Variants in ELAVL4 observed in about 807,000 individuals in gnomAD.
ELAVL4 encodes ELAV-like protein 4.
In ELAVL4, 1 loss-of-function variant was observed where a neutral mutation model predicts 35.6. The observed-to-expected ratio is 0.03, with a 90% CI of 0.01 to 0.13. The LOEUF (loss-of-function observed/expected upper bound fraction) is 0.13. ELAVL4 is among the 10% of genes least tolerant of loss of function. The pLI is 1.00. For synonymous variants in ELAVL4, 156 were observed against 171.0 expected (o/e 0.91, Z 0.69); for missense variants, 267 against 464.9 (o/e 0.57, Z 3.91).
rs926021710 is a variant in ELAVL4 at position 50,116,407 on chromosome 1, TGTGTGC to T, written c.9+7215_9+7220del. Among the ~76,000 whole-genome samples, 60 of 117,702 alleles carry T rather than the reference TGTGTGC, an allele frequency of 5.1e-4. 1 individual carries two copies. The South Asian group carries it at 0.011, about 21-fold the overall frequency. The allele number at this position is 117,702 out of a possible 152,430, so 77.2% of individuals were successfully genotyped here. On this transcript the variant is annotated intron_variant, in intron 1 of 6. Coordinates refer to ENST00000371824, the MANE Select transcript of ELAVL4 (RefSeq NM_001144774.3). ...ATCTAAATACTGTGGTGTGTGTGTG[TGTGTGC>T]GTGTGTGTGTGTGTGTGTGTGTGTG...
At chr1:50,161,712 T>C (rs1676838759) in intron 2 of ELAVL4, among the ~76,000 whole-genome samples, 2 of 152,060 alleles carry the variant, frequency 1.3e-5, no homozygotes, top group African/African-American at 2.4e-5. Context: ...CTTTGAGAAA[T>C]AGTTGGTTGG....
intron 1 of ELAVL4, among the ~76,000 whole-genome samples, chr1:50,086,401 A>C (rs1175687865): frequency 6.6e-6 from 1 of 151,832 alleles, no homozygotes; most frequent in Non-Finnish European, 1.5e-5. Context: ...TGAAAAAAAT[A>C]GATTTCAAAA....
At position 50,200,902 on chromosome 1, in the gene ELAVL4, C is replaced by A. The variant is rs757474507; in HGVS notation, c.825C>A (p.Ile275=). 2.5e-6 allele frequency: 4 copies of A among 1,613,902 alleles called. No homozygotes were observed. Among genetic ancestry groups the A allele is most frequent in the Non-Finnish European group, 2.5e-6 (3 of 1,179,996 alleles). The part of the protein sequence containing the change: ...DGMTSLVGMN[I]PGHTGTGWCI... ...TGACAAGCCTTGTGGGAATGAACAT[C>A]CCTGGTCACACAGGAACTGGGTGGT... Residue 275 remains isoleucine (I), a synonymous_variant, in exon 7 of 7, where the codon ATC becomes ATA. Coordinates refer to ENST00000371824, the MANE Select transcript of ELAVL4 (RefSeq NM_001144774.3).
intron 1 of ELAVL4, chr1:50,048,226 G>A: frequency 6.7e-7 from 1 of 1,487,770 alleles, no homozygotes; most frequent in Non-Finnish European, 8.9e-7. Context: ...GACTCTGCCC[G>A]CCCTCTGTTA....
At chr1:50,120,068 T>C (rs989890007) in intron 1 of ELAVL4, among the ~76,000 whole-genome samples, 3 of 151,184 alleles carry the variant, frequency 2.0e-5, no homozygotes, top group Non-Finnish European at 1.5e-5. Context: ...CAAATATATA[T>C]ATATATATAT....
rs753662248 is a variant in ELAVL4 at position 50,195,791 on chromosome 1, G to T, written c.734+5G>T. 2 of 1,613,924 alleles carry T rather than the reference G, an allele frequency of 1.2e-6. No individual in the cohort carries two copies. The highest frequency in any genetic ancestry group is 2.7e-5 in the African/African-American group (2 of 74,922). ...CCACCAGGCTCAGAGGTTCAGGTAG[G>T]CATGCCCAAAGAGGAAGAAGCCCTG... On this transcript the variant is annotated splice_donor_5th_base_variant and intron_variant, in intron 5 of 6. Coordinates refer to ENST00000371824, the MANE Select transcript of ELAVL4 (RefSeq NM_001144774.3).
In ELAVL4 at chr1:50,177,237, A is replaced by C. The variant is rs1231819973; in HGVS notation, c.354+45A>C. ...CTCCTGATTCAGGAGGCTCTGGTTA[A>C]ATTTCATTCTGTTGATCTGGTAAAT... On this transcript the variant is annotated intron_variant, in intron 3 of 6. Coordinates refer to ENST00000371824, the MANE Select transcript of ELAVL4 (RefSeq NM_001144774.3). The C allele has an allele frequency of 2.1e-6, 3 of 1,454,978 alleles. No homozygotes were observed. In the South Asian group the frequency reaches 3.4e-5, roughly 17 times the overall value. 90.1% of individuals were successfully genotyped at this position (1,454,978 alleles called of 1,614,324 possible).
At chr1:50,111,405 T>G (rs922348103) in intron 1 of ELAVL4, among the ~76,000 whole-genome samples, 1 of 152,256 alleles carries the variant, frequency 6.6e-6, no homozygotes, top group Middle Eastern at 3.4e-3. Context: ...AATGATTTCT[T>G]AGAAATTTCC....
chr1:50,092,666 C>T (rs1198029689), intron 1 of ELAVL4, among the ~76,000 whole-genome samples: 2 of 152,128 alleles, frequency 1.3e-5, no homozygotes, highest in Non-Finnish European at 2.9e-5. Context: ...ACACTAATAA[C>T]AGTACATTGT....
intron 1 of ELAVL4, among the ~76,000 whole-genome samples, chr1:50,137,817 G>A (rs1174678425): frequency 6.6e-6 from 1 of 152,134 alleles, no homozygotes; most frequent in East Asian, 1.9e-4. Context: ...AGCTTTTCTT[G>A]TCTAACTCTT....
At chr1:50,098,956 GA>G (rs1017395785), upstream of ELAVL4, among the ~76,000 whole-genome samples, 1 of 152,218 alleles carries the variant, frequency 6.6e-6, no homozygotes, top group Non-Finnish European at 1.5e-5. Context: ...ACCACTGAAA[GA>G]AAAGCAGCCG....
chr1:50,131,172 C>A (rs34676319), intron 1 of ELAVL4, among the ~76,000 whole-genome samples: 11,225 of 152,018 alleles, frequency 0.074, 854 homozygotes, highest in East Asian at 0.42. Flanking sequence ...GTATCATATA[C>A]TAAATATTCT....
chr1:50,183,445 G>A (rs1472716201), intron 3 of ELAVL4, among the ~76,000 whole-genome samples: 1 of 152,102 alleles, frequency 6.6e-6, no homozygotes. Flanking sequence ...CAATTCTGGA[G>A]GGAGCAGGAG....
intron 3 of ELAVL4, among the ~76,000 whole-genome samples, chr1:50,178,038 C>T (rs1225771279): frequency 1.3e-5 from 2 of 152,138 alleles, no homozygotes; most frequent in South Asian, 2.1e-4. Context: ...GGGGGATTCC[C>T]TTGGGCAGCC....
intron 1 of ELAVL4, among the ~76,000 whole-genome samples, chr1:50,112,552 A>G (rs1469808360): frequency 6.6e-6 from 1 of 152,188 alleles, no homozygotes; most frequent in Non-Finnish European, 1.5e-5. Context: ...AGTTTTAATG[A>G]TCAGAATGTC....
chr1:50,200,248 T>C (rs1213705529), intron 6 of ELAVL4, among the ~76,000 whole-genome samples: 2 of 151,714 alleles, frequency 1.3e-5, no homozygotes, highest in African/African-American at 4.8e-5. Context: ...CAACCGTAGG[T>C]CAAGGGAGTG....
At chr1:50,182,596 A>G (rs1681219009) in intron 3 of ELAVL4, among the ~76,000 whole-genome samples, 1 of 152,194 alleles carries the variant, frequency 6.6e-6, no homozygotes, top group Non-Finnish European at 1.5e-5. Context: ...AGATCTGATC[A>G]AAGTAAAGTT....
At chr1:50,132,283 GA>G (rs1670992782) in intron 1 of ELAVL4, among the ~76,000 whole-genome samples, 1 of 152,180 alleles carries the variant, frequency 6.6e-6, no homozygotes. Context: ...AGAGATCAGG[GA>G]AATTTTGTCA....
chr1:50,192,828 G>T (rs937379464), intron 3 of ELAVL4, among the ~76,000 whole-genome samples: 7 of 152,126 alleles, frequency 4.6e-5, no homozygotes, highest in Non-Finnish European at 8.8e-5. Flanking sequence ...ATAAGTAAAT[G>T]AAAGTCTAAA....
Sources: allele counts gnomAD v4.1 joint callset (sites outside exome capture counted in the v4.1 genomes callset), GRCh38; gene constraint gnomAD v4.1.1; transcripts MANE v1.5; gene names NCBI Gene and HGNC (gene_info 2026-07-23, HGNC 2026-07-21).